The following EYA1 variants were observed in gnomAD, a reference collection of about 807,000 sequenced individuals.
EYA1 encodes protein phosphatase EYA1.
Under a neutral mutation model 82.0 loss-of-function variants are expected in EYA1, and 16 were observed. The observed-to-expected ratio is 0.20, with a 90% CI of 0.13 to 0.30. The LOEUF (loss-of-function observed/expected upper bound fraction) is 0.30. EYA1 is among the 10% of genes least tolerant of loss of function. The probability of loss-of-function intolerance (pLI) is 1.00; values close to 1 mark genes in which losing one functional copy is unlikely to be tolerated. For synonymous variants in EYA1, 261 were observed against 264.4 expected (o/e 0.99, Z 0.12); for missense variants, 633 against 730.7 (o/e 0.87, Z 1.54).
intron 4 of EYA1, among the ~76,000 whole-genome samples, chr8:71,332,825 C>A (rs749138081): frequency 6.6e-5 from 10 of 152,208 alleles, no homozygotes; most frequent in Non-Finnish European, 1.0e-4. Context: ...AACCCTGAAC[C>A]ATTAACAGTT....
chr8:71,393,013 A>C (rs1829365865), intron 2 of EYA1, among the ~76,000 whole-genome samples: 1 of 152,160 alleles, frequency 6.6e-6, no homozygotes, highest in Non-Finnish European at 1.5e-5. Flanking sequence ...GAGTTAAAGA[A>C]AATTGGTTTC....
chr8:71,522,784 A>AT (rs1282078222), intron 2 of EYA1, among the ~76,000 whole-genome samples: 2 of 151,722 alleles, frequency 1.3e-5, no homozygotes, highest in African/African-American at 4.8e-5. Context: ...TAATGTTTTT[A>AT]TTTTTTTGTA....
chr8:71,481,531 T>C (rs1039290832), intron 2 of EYA1, among the ~76,000 whole-genome samples: 1 of 152,208 alleles, frequency 6.6e-6, no homozygotes, highest in Non-Finnish European at 1.5e-5. Context: ...GAGTGCCTAC[T>C]GCACGCCGGG....
At chr8:71,374,449 G>C (rs188037380) in intron 2 of EYA1, among the ~76,000 whole-genome samples, 1 of 152,104 alleles carries the variant, frequency 6.6e-6, no homozygotes, top group African/African-American at 2.4e-5. Context: ...CCTTACACCT[G>C]TTAGGACGTC....
chr8:71,294,950 G>C (rs1819440363), intron 9 of EYA1, among the ~76,000 whole-genome samples: 1 of 152,168 alleles, frequency 6.6e-6, no homozygotes, highest in Non-Finnish European at 1.5e-5. Flanking sequence ...ATACAGTCAA[G>C]TGGTCTTTGA....
At chr8:71,364,068 T>G (rs1250672007), upstream of EYA1, among the ~76,000 whole-genome samples, 2 of 151,894 alleles carry the variant, frequency 1.3e-5, no homozygotes, top group Non-Finnish European at 2.9e-5. Flanking sequence ...TAATTTTTAT[T>G]TATATAACCA....
At chr8:71,443,643 A>G (rs1386029927) in intron 2 of EYA1, among the ~76,000 whole-genome samples, 1 of 152,186 alleles carries the variant, frequency 6.6e-6, no homozygotes, top group African/African-American at 2.4e-5. Flanking sequence ...ACACTGATTC[A>G]AAGAAAACTC....
Position 71,361,685 on chromosome 8 carries a change from C to T in EYA1, c.-93G>A. 2.0e-6 allele frequency: 2 copies of T among 985,520 alleles called. No individual in the cohort carries two copies. The highest frequency in any genetic ancestry group is 2.4e-6 in the Non-Finnish European group (2 of 829,978). 61.0% of individuals were successfully genotyped at this position (985,520 alleles called of 1,614,324 possible). A position where few individuals can be genotyped will look rare whatever the true frequency, so the allele number is the denominator to read the frequency against. Reference sequence around the variant, plus strand: ...GCTGCATCCACCAGTTTAATGTGTTCCTTCGAATTTTCTGGGTTAGCAAAC... The same window carrying T: ...GCTGCATCCACCAGTTTAATGTGTTTCTTCGAATTTTCTGGGTTAGCAAAC... On this transcript the variant is annotated 5_prime_UTR_variant, in exon 1 of 18. Coordinates refer to ENST00000340726, the MANE Select transcript of EYA1 (RefSeq NM_000503.6).
At chr8:71,352,905 A>T (rs796455473) in intron 3 of EYA1, among the ~76,000 whole-genome samples, 13 of 152,330 alleles carry the variant, frequency 8.5e-5, no homozygotes, top group African/African-American at 3.1e-4. Context: ...TCAGTACTGC[A>T]TGGTTCTTAT....
chr8:71,486,976 G>A (rs909998049), intron 2 of EYA1, among the ~76,000 whole-genome samples: 4 of 62,858 alleles, frequency 6.4e-5, no homozygotes, highest in Non-Finnish European at 1.5e-4. Flanking sequence ...AACAAGGTAA[G>A]ACTAATTATT....
intron 11 of EYA1, among the ~76,000 whole-genome samples, chr8:71,257,256 TAAAC>T (rs1265853745): frequency 6.6e-6 from 1 of 152,142 alleles, no homozygotes; most frequent in Non-Finnish European, 1.5e-5. Context: ...AAGATATACA[TAAAC>T]AAGATTGGCT....
intron 2 of EYA1, among the ~76,000 whole-genome samples, chr8:71,517,345 T>A (rs1813045348): frequency 1.3e-5 from 2 of 152,030 alleles, no homozygotes; most frequent in South Asian, 4.1e-4. Flanking sequence ...AAACATATCA[T>A]GATGAATTCT....
At chr8:71,284,164 C>G (rs1818125274) in intron 9 of EYA1, among the ~76,000 whole-genome samples, 1 of 152,182 alleles carries the variant, frequency 6.6e-6, no homozygotes, top group African/African-American at 2.4e-5. Flanking sequence ...GGACCCTTGG[C>G]TGCCACCTTC....
chr8:71,390,853 C>T (rs899578618), intron 2 of EYA1, among the ~76,000 whole-genome samples: 1 of 152,032 alleles, frequency 6.6e-6, no homozygotes, highest in Non-Finnish European at 1.5e-5. Context: ...AGATTGAATT[C>T]TATTAATCTA....
chr8:71,494,948 G>A (rs529291047), intron 2 of EYA1, among the ~76,000 whole-genome samples: 3 of 152,050 alleles, frequency 2.0e-5, no homozygotes, highest in African/African-American at 7.2e-5. Context: ...AAGCAATATA[G>A]TATTTACAAA....
At chr8:71,233,372 G>A (rs529680498) in intron 12 of EYA1, among the ~76,000 whole-genome samples, 16 of 152,084 alleles carry the variant, frequency 1.1e-4, no homozygotes, top group Middle Eastern at 3.4e-3. Context: ...AGACCATCCT[G>A]GCTAACACAG....
rs746388153 is a variant in EYA1, at chr8:71,321,811, A to T, written c.341T>A (p.Phe114Tyr). ...QTMAAYGQTQ[F>Y]TTGMQQATAY... ...TGTAGCTTGTTGCATTCCTGTGGTA[A>T]ACTGTGTTTGCCCATATGCAGCCAT... Residue 114 changes from phenylalanine to tyrosine, a missense_variant, in exon 6 of 18, where the codon TTT (phenylalanine) becomes TAT (tyrosine). Transcript: ENST00000340726. 1 of 1,614,242 alleles carries T rather than the reference A, an allele frequency of 6.2e-7. No homozygotes were observed. The highest frequency in any genetic ancestry group is 8.5e-7 in the Non-Finnish European group (1 of 1,180,048).
intron 16 of EYA1, among the ~76,000 whole-genome samples, chr8:71,213,282 T>C (rs1400593086): frequency 3.9e-5 from 6 of 152,220 alleles, no homozygotes; most frequent in Non-Finnish European, 4.4e-5. Flanking sequence ...TAAACTTCAA[T>C]GCACATGCTA....
At chr8:71,433,096 C>A (rs984205954) in intron 2 of EYA1, among the ~76,000 whole-genome samples, 2 of 152,166 alleles carry the variant, frequency 1.3e-5, no homozygotes, top group Non-Finnish European at 2.9e-5. Flanking sequence ...TACCAAACTG[C>A]CCACACTCAG....
Sources: gnomAD v4.1 joint callset for allele counts (sites outside exome capture counted in the v4.1 genomes callset) on GRCh38, gnomAD v4.1.1 for gene constraint, MANE v1.5 for transcripts, NCBI Gene and HGNC (gene_info 2026-07-23, HGNC 2026-07-21) for gene names.